PDE4D: variants seen among roughly 807,000 people sequenced by gnomAD.
The protein encoded by PDE4D is 3',5'-cyclic-AMP phosphodiesterase 4D.
Under a neutral mutation model 87.4 loss-of-function variants are expected in PDE4D, and 24 were observed. The ratio of observed to expected loss-of-function variants is 0.27; its 90% CI spans 0.20 to 0.39. The LOEUF is 0.39. Ranked by LOEUF, PDE4D falls within the 10% of genes least tolerant of loss-of-function variation. PDE4D has a pLI of 1.00. For missense variants in PDE4D, 714 were observed against 1,041.0 expected, an observed-to-expected ratio of 0.69 and a Z score of 4.32; for synonymous variants, 384 against 383.2, an observed-to-expected ratio of 1.00 and a Z score of -0.02.
chr5:60,456,195 T>C (rs1487994621), intron 1 of PDE4D, among the ~76,000 whole-genome samples: 1 of 152,092 alleles, frequency 6.6e-6, no homozygotes, highest in East Asian at 1.9e-4. Context: ...AGGTAGGAAT[T>C]GTGGGGTACC....
chr5:59,504,880 C>T (rs1267075496), intron 1 of PDE4D, among the ~76,000 whole-genome samples: 1 of 150,866 alleles, frequency 6.6e-6, no homozygotes, highest in Non-Finnish European at 1.5e-5. Flanking sequence ...TACATACTTT[C>T]ATACTTTCTT....
chr5:60,106,672 T>G (rs1247813017), intron 2 of PDE4D, among the ~76,000 whole-genome samples: 1 of 152,082 alleles, frequency 6.6e-6, no homozygotes, highest in Non-Finnish European at 1.5e-5. Flanking sequence ...CAGACCACAG[T>G]GCAATCAAAC....
intron 1 of PDE4D, among the ~76,000 whole-genome samples, chr5:60,427,673 T>G (rs1236453836): frequency 6.6e-6 from 1 of 152,228 alleles, no homozygotes; most frequent in Non-Finnish European, 1.5e-5. Context: ...ATGTTTTCTT[T>G]CTTAGAATTT....
chr5:59,067,544 G>C (rs1764127930), intron 5 of PDE4D, among the ~76,000 whole-genome samples: 1 of 152,106 alleles, frequency 6.6e-6, no homozygotes, highest in Non-Finnish European at 1.5e-5. Context: ...CTAGGTTTCT[G>C]ATACAGTTTT....
intron 1 of PDE4D, among the ~76,000 whole-genome samples, chr5:59,535,112 C>G (rs1814950362): frequency 6.7e-6 from 1 of 149,636 alleles, no homozygotes; most frequent in African/African-American, 2.5e-5. Flanking sequence ...CTAGCTGATT[C>G]AAATCATTTT....
At chr5:59,430,439 T>C (rs1795939496) in intron 1 of PDE4D, 1 of 1,230,806 alleles carries the variant, frequency 8.1e-7, no homozygotes, top group Non-Finnish European at 1.0e-6. Context: ...AGGCAAGAAG[T>C]AAAAGCAAAT....
Position 59,055,410 on chromosome 5 carries a change from C to T in PDE4D, c.809-16439G>A, listed in dbSNP as rs563341028. ...TTCCCCAAACTTCAGTTCATCTATTCGAAGTCCCTATAAAATCTACCTCCT... is the reference window on the plus strand; with the variant it reads ...TTCCCCAAACTTCAGTTCATCTATTTGAAGTCCCTATAAAATCTACCTCCT... On this transcript the variant is annotated intron_variant, in intron 5 of 14. Transcript: ENST00000340635. Among the ~76,000 whole-genome samples the T allele has an allele frequency of 9.2e-5, 14 of 152,262 alleles. 1 individual carries two copies. In the South Asian group the frequency reaches 1.0e-3, roughly 11 times the overall value.
intron 1 of PDE4D, among the ~76,000 whole-genome samples, chr5:59,697,905 T>C (rs1408351133): frequency 6.6e-6 from 1 of 152,214 alleles, no homozygotes; most frequent in African/African-American, 2.4e-5. Flanking sequence ...CAAACTTTCC[T>C]GCCTTTATTT....
At chr5:60,349,092 T>C (rs1223260389) in intron 1 of PDE4D, among the ~76,000 whole-genome samples, 1 of 152,078 alleles carries the variant, frequency 6.6e-6, no homozygotes, top group African/African-American at 2.4e-5. Flanking sequence ...CATAGCACAA[T>C]AGGAAAATGT....
At chr5:59,945,753 GA>G (rs1414442385) in intron 3 of PDE4D, among the ~76,000 whole-genome samples, 1 of 152,192 alleles carries the variant, frequency 6.6e-6, no homozygotes, top group Non-Finnish European at 1.5e-5. Context: ...TGATGGTGAG[GA>G]AAGGTGACAT....
At chr5:59,535,900 G>A (rs1290069887) in intron 1 of PDE4D, among the ~76,000 whole-genome samples, 1 of 152,134 alleles carries the variant, frequency 6.6e-6, no homozygotes, top group Non-Finnish European at 1.5e-5. Context: ...ACTTTGCCTT[G>A]CACATACTTG....
chr5:59,190,525 CTG>C (rs1253072846), intron 3 of PDE4D, among the ~76,000 whole-genome samples: 3 of 152,144 alleles, frequency 2.0e-5, no homozygotes, highest in Non-Finnish European at 4.4e-5. Context: ...CCATTGTTTT[CTG>C]TCCTTTGGTG....
intron 1 of PDE4D, among the ~76,000 whole-genome samples, chr5:60,356,871 A>C (rs1164795178): frequency 6.6e-6 from 1 of 152,178 alleles, no homozygotes; most frequent in African/African-American, 2.4e-5. Flanking sequence ...TTAGTGCATC[A>C]TGTCTGGCTG....
chr5:59,359,697 T>C (rs62358048), intron 1 of PDE4D, among the ~76,000 whole-genome samples: 1 of 152,226 alleles, frequency 6.6e-6, no homozygotes, highest in Non-Finnish European at 1.5e-5. Flanking sequence ...TTCATGGGTA[T>C]CAAAGAGTAT....
intron 1 of PDE4D, among the ~76,000 whole-genome samples, chr5:60,350,396 G>A (rs1338181417): frequency 6.6e-6 from 1 of 152,120 alleles, no homozygotes; most frequent in Non-Finnish European, 1.5e-5. Context: ...TCCAGGCTAG[G>A]AGTTCTCCAC....
chr5:59,707,325 C>G (rs373003471), intron 1 of PDE4D, among the ~76,000 whole-genome samples: 1 of 151,956 alleles, frequency 6.6e-6, no homozygotes, highest in Admixed American at 6.6e-5. Flanking sequence ...TTTCTTGGCA[C>G]TGAGGGGAAT....
In PDE4D at chr5:60,458,386, CAA is replaced by C. The variant is rs61006284; in HGVS notation, c.-90+29554_-90+29555del. ...TGGGCAACAGGGTGAGACTTCATTG[CAA>C]AAAAAAAAAAAAAAAAAAAAGCAAA... On this transcript the variant is annotated intron_variant, in intron 1 of 16. Transcript: ENST00000502484. Among the ~76,000 whole-genome samples, 479 of 75,178 alleles carry C rather than the reference CAA, an allele frequency of 6.4e-3. 2 individuals carry two copies. The highest frequency in any genetic ancestry group is 0.024 in the African/African-American group (436 of 17,812). The allele number at this position is 75,178 out of a possible 152,430, so 49.3% of individuals were successfully genotyped here. A position where few individuals can be genotyped will look rare whatever the true frequency, so the allele number is the denominator to read the frequency against.
intron 1 of PDE4D, among the ~76,000 whole-genome samples, chr5:59,555,608 T>C (rs953211262): frequency 3.3e-5 from 5 of 152,168 alleles, no homozygotes; most frequent in African/African-American, 7.2e-5. Flanking sequence ...TATAACTCTT[T>C]TCTTAAGGTC....
chr5:59,039,167 G>A (rs1388830846), intron 5 of PDE4D, 196 bp from the exon 6 acceptor site: 4 of 1,358,392 alleles, frequency 2.9e-6, no homozygotes, highest in Admixed American at 7.1e-5. Flanking sequence ...GGCCGGCCTC[G>A]GGGAGGCACG....
Sources: allele counts gnomAD v4.1 joint callset (sites outside exome capture counted in the v4.1 genomes callset), GRCh38; gene constraint gnomAD v4.1.1; transcripts MANE v1.5; gene names NCBI Gene and HGNC (gene_info 2026-07-23, HGNC 2026-07-21).